Variants in ANKRD27 observed in about 807,000 individuals in gnomAD.
ANKRD27 encodes the protein ankyrin repeat domain 27.
ANKRD27 carries 112 observed loss-of-function variants against 129.7 expected under a neutral mutation model. The observed-to-expected ratio is 0.86, with a 90% CI of 0.74 to 1.01. ANKRD27 has a LOEUF of 1.01. Among genes scored for constraint, ANKRD27 ranks in the 50% least tolerant of loss-of-function variants. The pLI, the probability that ANKRD27 is intolerant of heterozygous loss-of-function variation, is 0.00. For missense variants in ANKRD27, 1,258 were observed against 1,300.5 expected, an observed-to-expected ratio of 0.97 and a Z score of 0.50; for synonymous variants, 516 against 511.2, an observed-to-expected ratio of 1.01 and a Z score of -0.13.
Position 32,619,557 on chromosome 19 carries a change from G to C in ANKRD27, c.1828-4C>G. On this transcript the variant is annotated splice_polypyrimidine_tract_variant and splice_region_variant and intron_variant, in intron 18 of 28. Transcript: ENST00000306065. Reference sequence around the variant, plus strand: ...AGGCTTCCATTACAGACAGAATCTAGGGGGACAAGGGGGATGCCAACAGTA... The same window carrying C: ...AGGCTTCCATTACAGACAGAATCTACGGGGACAAGGGGGATGCCAACAGTA... The C allele has an allele frequency of 6.2e-7, 1 of 1,614,022 alleles. No homozygotes were observed. Among genetic ancestry groups the C allele is most frequent in the Non-Finnish European group, 8.5e-7 (1 of 1,179,998 alleles).
chr19:32,642,226 A>T, intron 9 of ANKRD27, 81 bp from the exon 10 acceptor site: 1 of 1,339,080 alleles, frequency 7.5e-7, no homozygotes, highest in African/African-American at 1.5e-5. Context: ...ACATCTCAGG[A>T]TCTACACTTC....
At chr19:32,631,795 T>C (rs552134542) in intron 12 of ANKRD27, among the ~76,000 whole-genome samples, 7 of 152,320 alleles carry the variant, frequency 4.6e-5, no homozygotes, top group Admixed American at 2.0e-4. Flanking sequence ...CACACACCAT[T>C]GTCCTCCAGA....
chr19:32,653,342 A>C (rs259242), intron 2 of ANKRD27, among the ~76,000 whole-genome samples: 104,494 of 151,900 alleles, frequency 0.69, 36,303 homozygotes, highest in Middle Eastern at 0.75. Flanking sequence ...AAATCAGACA[A>C]CTCAATAAAA....
intron 2 of ANKRD27, among the ~76,000 whole-genome samples, chr19:32,653,966 T>A (rs1412569214): frequency 6.6e-6 from 1 of 152,184 alleles, no homozygotes; most frequent in Non-Finnish European, 1.5e-5. Context: ...AGTGGCGTGA[T>A]CTCAGCTCAC....
chr19:32,670,968 G>A (rs1473026778), intron 1 of ANKRD27, among the ~76,000 whole-genome samples: 1 of 151,724 alleles, frequency 6.6e-6, no homozygotes, highest in African/African-American at 2.4e-5. Flanking sequence ...TCTGTGTAAC[G>A]GAGTGAGACT....
At chr19:32,607,529 G>A in intron 23 of ANKRD27, 106 bp downstream of exon 23, 1 of 1,343,600 alleles carries the variant, frequency 7.4e-7, no homozygotes, top group South Asian at 1.3e-5. Context: ...CGGGGGAGCA[G>A]TGTCCTCCAG....
chr19:32,661,079 T>C (rs561600343), intron 1 of ANKRD27, among the ~76,000 whole-genome samples: 193 of 151,828 alleles, frequency 1.3e-3, no homozygotes, highest in African/African-American at 4.3e-3. Flanking sequence ...CCCATGCCTA[T>C]AGTCCCAGGT....
At chr19:32,604,467 G>A (rs763018404) in intron 24 of ANKRD27, 43 bp from the exon 25 acceptor site, 31 of 1,551,558 alleles carry the variant, frequency 2.0e-5, no homozygotes, top group South Asian at 1.6e-4. Context: ...GCTACGAAAC[G>A]TCAGCATGGA....
chr19:32,612,305 A>G (rs1281232757), intron 22 of ANKRD27, among the ~76,000 whole-genome samples: 1 of 152,228 alleles, frequency 6.6e-6, no homozygotes, highest in East Asian at 1.9e-4. Context: ...ATTTCTCCCC[A>G]GTTCATCTAT....
In ANKRD27 at chr19:32,601,235, G is replaced by A. The variant is rs151318494; in HGVS notation, c.2767+780C>T. On this transcript the variant is annotated intron_variant, in intron 26 of 28. Coordinates refer to ENST00000306065, the MANE Select transcript of ANKRD27 (RefSeq NM_032139.3). The stretch of plus-strand genomic sequence containing the variant: ...AATAACTTGAACCCAGGAGGCAGAG[G>A]TTGCGTGAGCTGAGATTGCACCACT... Among the ~76,000 whole-genome samples, 578 of 151,654 alleles carry A rather than the reference G, an allele frequency of 3.8e-3. 4 individuals are homozygous for A. Among genetic ancestry groups the A allele is most frequent in the African/African-American group, 0.01 (421 of 41,334 alleles).
chr19:32,617,722 C>A, intron 20 of ANKRD27, 89 bp from the exon 21 acceptor site: 2 of 548,182 alleles, frequency 3.6e-6, no homozygotes, highest in East Asian at 6.8e-5. Flanking sequence ...AATCTATTGG[C>A]TTGATTTGTG....
intron 1 of ANKRD27, among the ~76,000 whole-genome samples, chr19:32,669,939 C>A (rs1424906300): frequency 6.7e-6 from 1 of 148,710 alleles, no homozygotes; most frequent in African/African-American, 2.5e-5. Flanking sequence ...GAGGTTGCAG[C>A]GAGCCGAGAT....
rs150864291 is a variant in ANKRD27 at position 32,643,577 on chromosome 19, G to C, written c.580C>G (p.His194Asp). 10 of 1,613,898 alleles carry C rather than the reference G, an allele frequency of 6.2e-6. No individual in the cohort carries two copies. Among genetic ancestry groups the C allele is most frequent in the Non-Finnish European group, 8.5e-6 (10 of 1,180,024 alleles). The change falls in exon 6 of 29, where the codon CAC becomes GAC. Residue 194 changes from histidine to aspartate, a missense_variant. His to Asp is a moderately conservative substitution (Grantham distance 81, BLOSUM62 -1). Coordinates refer to ENST00000306065, the MANE Select transcript of ANKRD27 (RefSeq NM_032139.3). ...KCLQQLLRDSHLKMLAKQEAQ... is the reference protein window; with the variant it reads ...KCLQQLLRDSDLKMLAKQEAQ... ...TCAGAAGTCCTGCTGCTTACCAGGTGAGAGTCCCTCAGAAGCTGCTGGAGG... is the reference window on the plus strand; with the variant it reads ...TCAGAAGTCCTGCTGCTTACCAGGTCAGAGTCCCTCAGAAGCTGCTGGAGG...
chr19:32,669,297 G>A (rs1372759999), intron 1 of ANKRD27, among the ~76,000 whole-genome samples: 3 of 152,136 alleles, frequency 2.0e-5, no homozygotes, highest in African/African-American at 4.8e-5. Context: ...AAAAATGGTC[G>A]CATATAATCC....
At chr19:32,627,378 A>ATTTTT (rs1568405263) in intron 15 of ANKRD27, among the ~76,000 whole-genome samples, 1 of 45,212 alleles carries the variant, frequency 2.2e-5, no homozygotes, top group African/African-American at 2.8e-4. Context: ...TTATTTATTT[A>ATTTTT]TTTATTTATT....
At chr19:32,669,715 T>A (rs1040466850) in intron 1 of ANKRD27, among the ~76,000 whole-genome samples, 2 of 151,758 alleles carry the variant, frequency 1.3e-5, no homozygotes, top group African/African-American at 4.8e-5. Context: ...AAAACAGCAG[T>A]GGTCGGGCGT....
At chr19:32,653,848 C>T (rs757380150) in intron 2 of ANKRD27, among the ~76,000 whole-genome samples, 25 of 152,162 alleles carry the variant, frequency 1.6e-4, no homozygotes, top group Non-Finnish European at 3.4e-4. Flanking sequence ...GCAGCGTGCA[C>T]GCAGGGAGAA....
chr19:32,660,517 CAAAAAAAAGA>C (rs1226241898), intron 1 of ANKRD27, among the ~76,000 whole-genome samples: 1 of 151,584 alleles, frequency 6.6e-6, no homozygotes, highest in Non-Finnish European at 1.5e-5. Context: ...GACTCCGTTT[CAAAAAAAAGA>C]AAAAGAAAGA....
chr19:32,612,506 C>T (rs962590201), intron 22 of ANKRD27, among the ~76,000 whole-genome samples: 2 of 152,136 alleles, frequency 1.3e-5, no homozygotes, highest in African/African-American at 4.8e-5. Context: ...CTGAAATATT[C>T]CTGGCAAAGA....
Sources: gnomAD v4.1 joint callset for allele counts (sites outside exome capture counted in the v4.1 genomes callset) on GRCh38, gnomAD v4.1.1 for gene constraint, MANE v1.5 for transcripts, NCBI Gene and HGNC (gene_info 2026-07-23, HGNC 2026-07-21) for gene names.